CTNNA3: variants seen among roughly 807,000 people sequenced by gnomAD.
CTNNA3 encodes the protein catenin alpha 3.
In CTNNA3, 76 loss-of-function variants were observed where a neutral mutation model predicts 95.7. That is an observed-to-expected ratio of 0.79 (90% CI 0.66 to 0.96). CTNNA3 has a LOEUF of 0.96. Among genes scored for constraint, CTNNA3 ranks in the 40% least tolerant of loss-of-function variants. CTNNA3 has a pLI of 0.00. For missense variants in CTNNA3, 1,191 were observed against 1,089.8 expected, an observed-to-expected ratio of 1.09 and a Z score of -1.31; for synonymous variants, 431 against 374.4, an observed-to-expected ratio of 1.15 and a Z score of -1.74.
In CTNNA3 at chr10:67,566,043, G is replaced by GTATATATATATATA. The variant is rs772272609; in HGVS notation, c.293-26388_293-26375dup. On this transcript the variant is annotated intron_variant, in intron 3 of 17. Coordinates refer to ENST00000433211, the MANE Select transcript of CTNNA3 (RefSeq NM_013266.4). ...CACACACACACACATATGTGTGTGT[G>GTATATATATATATA]TATATATATATATATATATATATAT... Among the ~76,000 whole-genome samples, 108 of 26,930 alleles carry GTATATATATATATA rather than the reference G, an allele frequency of 4.0e-3. 6 individuals carry two copies. Among genetic ancestry groups the GTATATATATATATA allele is most frequent in the African/African-American group, 6.6e-3 (40 of 6,048 alleles). 17.7% of individuals were successfully genotyped at this position (26,930 alleles called of 152,430 possible).
At chr10:67,556,274 G>T (rs1045139294) in intron 3 of CTNNA3, among the ~76,000 whole-genome samples, 2 of 152,198 alleles carry the variant, frequency 1.3e-5, no homozygotes, top group Admixed American at 1.3e-4. Context: ...CTCATAAAAT[G>T]AGTTAAGGAG....
rs575486551 is a variant in CTNNA3, at chr10:66,385,359, T to A, written c.1532-6007A>T. On this transcript the variant is annotated intron_variant, in intron 11 of 17. Coordinates refer to ENST00000433211, the MANE Select transcript of CTNNA3 (RefSeq NM_013266.4). ...AATCTAGAAGAAATGGATAAATTCC[T>A]CGACACATATAACCTCCCAAGACTA... 4.7e-4 allele frequency among the ~76,000 whole-genome samples: 71 copies of A among 152,296 alleles called. 1 individual carries two copies. The South Asian group carries it at 0.014, about 31-fold the overall frequency.
chr10:66,121,737 A>C (rs923042402), intron 13 of CTNNA3, among the ~76,000 whole-genome samples: 1 of 152,156 alleles, frequency 6.6e-6, no homozygotes, highest in Non-Finnish European at 1.5e-5. Flanking sequence ...ACTACTTGTG[A>C]GGCTGAGTTG....
intron 10 of CTNNA3, among the ~76,000 whole-genome samples, chr10:66,531,222 G>A (rs2132049519): frequency 6.6e-6 from 1 of 152,248 alleles, no homozygotes; most frequent in Admixed American, 6.5e-5. Flanking sequence ...AATAAAAATA[G>A]AATTTGGAGT....
chr10:66,041,606 C>T (rs2079689678), intron 15 of CTNNA3, among the ~76,000 whole-genome samples: 1 of 152,184 alleles, frequency 6.6e-6, no homozygotes, highest in Admixed American at 6.5e-5. Context: ...TGAGCAGGTT[C>T]TTTGCTGTGT....
intron 12 of CTNNA3, among the ~76,000 whole-genome samples, chr10:66,353,555 T>C (rs548012716): frequency 6.6e-6 from 1 of 152,208 alleles, no homozygotes; most frequent in South Asian, 2.1e-4. Context: ...TGAACTAGTG[T>C]GACGTGTGTT....
chr10:66,366,066 T>C (rs1001993000), intron 12 of CTNNA3, among the ~76,000 whole-genome samples: 1 of 152,282 alleles, frequency 6.6e-6, no homozygotes, highest in African/African-American at 2.4e-5. Context: ...CTTAATTTGC[T>C]AAATTTTAGG....
intron 7 of CTNNA3, among the ~76,000 whole-genome samples, chr10:66,810,992 C>G (rs1400922892): frequency 6.6e-6 from 1 of 152,044 alleles, no homozygotes; most frequent in Non-Finnish European, 1.5e-5. Context: ...TGTGGAGACT[C>G]AGTTGGGTTT....
rs2077055952 is a variant in CTNNA3, at chr10:65,919,865, A to T, written c.*465T>A. ...TCTGCCTGGTTAGGTGCCAGGTTAG[A>T]TCAGATAAAGAAAGCATGGAGATTA... On this transcript the variant is annotated 3_prime_UTR_variant, in exon 18 of 18. Coordinates refer to ENST00000433211, the MANE Select transcript of CTNNA3 (RefSeq NM_013266.4). 1.3e-5 allele frequency: 2 copies of T among 157,722 alleles called. No individual in the cohort carries two copies. Among genetic ancestry groups the T allele is most frequent in the African/African-American group, 2.4e-5 (1 of 41,478 alleles). 9.8% of individuals were successfully genotyped at this position (157,722 alleles called of 1,614,324 possible).
At position 66,755,785 on chromosome 10, in the gene CTNNA3, C is replaced by G. The variant is rs368740928; in HGVS notation, c.1281+10479G>C. Among the ~76,000 whole-genome samples the G allele has an allele frequency of 6.2e-4, 94 of 152,218 alleles. 3 individuals carry two copies. In the South Asian group the frequency reaches 0.011, roughly 18 times the overall value. ...TTTCCCTCTATTCTCATCTCCTTTTCCTAATTCAACTTTTAACCCCCAAAT... is the reference window on the plus strand; with the variant it reads ...TTTCCCTCTATTCTCATCTCCTTTTGCTAATTCAACTTTTAACCCCCAAAT... On this transcript the variant is annotated intron_variant, in intron 9 of 17. Coordinates refer to ENST00000433211, the MANE Select transcript of CTNNA3 (RefSeq NM_013266.4).
chr10:66,529,459 T>TTA (rs1841390075), intron 10 of CTNNA3, among the ~76,000 whole-genome samples: 7 of 151,564 alleles, frequency 4.6e-5, no homozygotes, highest in South Asian at 4.2e-4. Context: ...TGTTTTTTTT[T>TTA]TTTAATAAAA....
At chr10:66,115,045 A>C (rs577473304) in intron 13 of CTNNA3, among the ~76,000 whole-genome samples, 1 of 152,298 alleles carries the variant, frequency 6.6e-6, no homozygotes, top group East Asian at 1.9e-4. Flanking sequence ...AAAAAAAACA[A>C]GCAATGAGTG....
intron 13 of CTNNA3, among the ~76,000 whole-genome samples, chr10:66,254,660 C>T (rs1362223553): frequency 6.6e-6 from 1 of 152,144 alleles, no homozygotes; most frequent in African/African-American, 2.4e-5. Context: ...GCTCTGACAC[C>T]CTGCCGGGCA....
chr10:66,882,377 T>G (rs960604537), intron 7 of CTNNA3, among the ~76,000 whole-genome samples: 1 of 152,156 alleles, frequency 6.6e-6, no homozygotes, highest in South Asian at 2.1e-4. Flanking sequence ...GGCATCCCAG[T>G]GCTTTTGGCC....
At chr10:66,075,812 T>C (rs1288965136) in intron 14 of CTNNA3, among the ~76,000 whole-genome samples, 1 of 151,728 alleles carries the variant, frequency 6.6e-6, no homozygotes, top group Non-Finnish European at 1.5e-5. Flanking sequence ...TCCATGTGTC[T>C]TCATTAGTAG....
At chr10:67,003,777 A>G (rs1851813316) in intron 7 of CTNNA3, among the ~76,000 whole-genome samples, 2 of 152,194 alleles carry the variant, frequency 1.3e-5, no homozygotes, top group Non-Finnish European at 2.9e-5. Context: ...GGAGAAATCA[A>G]TACAAATTGA....
chr10:66,047,361 G>A (rs1479223048), intron 15 of CTNNA3, among the ~76,000 whole-genome samples: 2 of 151,978 alleles, frequency 1.3e-5, no homozygotes, highest in Non-Finnish European at 2.9e-5. Flanking sequence ...TCACATAAAC[G>A]GAACTAAAAA....
At chr10:66,160,276 C>T (rs2084773434) in intron 13 of CTNNA3, among the ~76,000 whole-genome samples, 1 of 151,810 alleles carries the variant, frequency 6.6e-6, no homozygotes, top group South Asian at 2.1e-4. Context: ...TTTAGAATAT[C>T]AGTTTGTGCT....
intron 7 of CTNNA3, among the ~76,000 whole-genome samples, chr10:66,806,657 A>G (rs543431750): frequency 1.3e-5 from 2 of 151,894 alleles, no homozygotes; most frequent in East Asian, 3.9e-4. Context: ...GAAGGCTAAG[A>G]CTTTCCTGAG....
Sources: allele counts gnomAD v4.1 joint callset (sites outside exome capture counted in the v4.1 genomes callset), GRCh38; gene constraint gnomAD v4.1.1; transcripts MANE v1.5; gene names NCBI Gene and HGNC (gene_info 2026-07-23, HGNC 2026-07-21).